The following DGUOK variants were observed in gnomAD, a reference collection of about 807,000 sequenced individuals.
DGUOK encodes deoxyguanosine kinase, also known as deoxyguanosine kinase, mitochondrial.
In DGUOK, 30 loss-of-function variants were observed where a neutral mutation model predicts 36.6. The observed-to-expected ratio is 0.82, with a 90% CI of 0.61 to 1.11. The LOEUF (loss-of-function observed/expected upper bound fraction) is 1.11. DGUOK is among the 50% of genes most tolerant of loss of function. The probability of loss-of-function intolerance (pLI) is 0.00; values close to 1 mark genes in which losing one functional copy is unlikely to be tolerated. For synonymous variants in DGUOK, 145 were observed against 126.3 expected, an observed-to-expected ratio of 1.15 and a Z score of -0.99; for missense variants, 361 against 336.4, an observed-to-expected ratio of 1.07 and a Z score of -0.57.
At chr2:73,930,883 C>T (rs1175198907) in intron 1 of DGUOK, among the ~76,000 whole-genome samples, 2 of 150,118 alleles carry the variant, frequency 1.3e-5, no homozygotes, top group South Asian at 2.1e-4. Context: ...GCAGCCTCCG[C>T]CTCCCAGGTT....
intron 1 of DGUOK, among the ~76,000 whole-genome samples, chr2:73,933,172 G>A (rs556207304): frequency 4.3e-4 from 65 of 152,292 alleles, no homozygotes; most frequent in African/African-American, 1.5e-3. Context: ...TCACTAATAT[G>A]TGTCTTACTT....
intron 2 of DGUOK, among the ~76,000 whole-genome samples, chr2:73,940,347 A>T (rs1210394491): frequency 6.6e-6 from 1 of 152,224 alleles, no homozygotes; most frequent in African/African-American, 2.4e-5. Flanking sequence ...TGAACAGGAC[A>T]TTCTGGATGT....
chr2:73,940,627 A>T (rs781420739), intron 2 of DGUOK, among the ~76,000 whole-genome samples: 3 of 152,186 alleles, frequency 2.0e-5, no homozygotes, highest in Non-Finnish European at 2.9e-5. Flanking sequence ...CTGCATAATG[A>T]TGTTTCTGTC....
chr2:73,931,750 A>G (rs568319491), intron 1 of DGUOK, among the ~76,000 whole-genome samples: 39 of 152,340 alleles, frequency 2.6e-4, no homozygotes, highest in Admixed American at 5.2e-4. Context: ...AGTTTGTTGG[A>G]TGAATGAATA....
intron 1 of DGUOK, among the ~76,000 whole-genome samples, chr2:73,936,171 C>G (rs895828275): frequency 2.0e-5 from 3 of 152,156 alleles, no homozygotes; most frequent in African/African-American, 7.2e-5. Context: ...TAAATATTGA[C>G]CATCTGGGCC....
At chr2:73,952,495 G>GA (rs1682770755) in intron 4 of DGUOK, among the ~76,000 whole-genome samples, 1 of 152,238 alleles carries the variant, frequency 6.6e-6, no homozygotes, top group African/African-American at 2.4e-5. Context: ...AAAGAGGAGT[G>GA]AGAGTGCTGT....
chr2:73,954,725 T>C (rs1248575889), intron 4 of DGUOK, among the ~76,000 whole-genome samples: 1 of 152,028 alleles, frequency 6.6e-6, no homozygotes, highest in Non-Finnish European at 1.5e-5. Flanking sequence ...AGAGGCATAG[T>C]GAAAAGACCC....
rs374309908 is a variant in DGUOK at position 73,926,888 on chromosome 2, T to C, written c.-23T>C. 20 of 1,613,056 alleles carry C rather than the reference T, an allele frequency of 1.2e-5. 1 individual carries two copies. In the African/African-American group the frequency reaches 2.3e-4, roughly 18 times the overall value. ...GCGGAAGTGCTCTCGGCGGAAGTGATCGCTGTGTGAATCGTGGGTGGGATG... is the reference window on the plus strand; with the variant it reads ...GCGGAAGTGCTCTCGGCGGAAGTGACCGCTGTGTGAATCGTGGGTGGGATG... On this transcript the variant is annotated 5_prime_UTR_variant, in exon 1 of 7. Transcript: ENST00000264093.
rs778327766 is a variant in DGUOK, at chr2:73,957,108, T to C, written c.592-17T>C. 3.8e-6 allele frequency: 6 copies of C among 1,595,132 alleles called. No individual in the cohort carries two copies. In the South Asian group the frequency reaches 5.5e-5, roughly 15 times the overall value. ...AAACAGCAAAGAGCTCATCAGGGCT[T>C]GGGGACTGTCTTTTAGGTTTGTTTG... On this transcript the variant is annotated splice_polypyrimidine_tract_variant and intron_variant, in intron 4 of 6. Transcript: ENST00000264093.
intron 2 of DGUOK, among the ~76,000 whole-genome samples, chr2:73,943,342 T>G (rs1388989942): frequency 1.5e-5 from 2 of 129,644 alleles, no homozygotes; most frequent in African/African-American, 5.7e-5. Context: ...TTTTTTTTTT[T>G]GTAGAGATAG....
chr2:73,928,567 C>T (rs1680782203), intron 1 of DGUOK, among the ~76,000 whole-genome samples: 1 of 152,068 alleles, frequency 6.6e-6, no homozygotes, highest in Admixed American at 6.5e-5. Flanking sequence ...ATTGGAAAGG[C>T]CCTGAGGTGG....
intron 2 of DGUOK, among the ~76,000 whole-genome samples, chr2:73,942,845 G>A (rs1466059770): frequency 3.3e-5 from 5 of 152,166 alleles, no homozygotes; most frequent in Non-Finnish European, 7.4e-5. Context: ...TCAGTAGACC[G>A]TGTGGTACAC....
In DGUOK at chr2:73,958,172, T is replaced by C; in HGVS notation, c.734T>C (p.Ile245Thr). The C allele has an allele frequency of 6.2e-7, 1 of 1,613,882 alleles. No homozygotes were observed. The highest frequency in any genetic ancestry group is 8.5e-7 in the Non-Finnish European group (1 of 1,179,796). ...CTCCACTTTGAGGCTCTGATGAACA[T>C]TCCAGTGCTGGTGTTGGATGTCAAT... ...TKLHFEALMNIPVLVLDVNDD... is the reference protein window; with the variant it reads ...TKLHFEALMNTPVLVLDVNDD... Residue 245 changes from isoleucine (I) to threonine (T), a missense_variant, in exon 6 of 7, where the codon ATT becomes ACT. By Grantham distance (89) the Ile-to-Thr change is moderately conservative (BLOSUM62 -1). Coordinates refer to ENST00000264093, the MANE Select transcript of DGUOK (RefSeq NM_080916.3).
In DGUOK at chr2:73,935,478, G is replaced by GA. The variant is rs201837808; in HGVS notation, c.143-3422dup. Among the ~76,000 whole-genome samples the GA allele has an allele frequency of 4.6e-4, 69 of 148,800 alleles. 1 individual carries two copies. The highest frequency in any genetic ancestry group is 1.1e-3 in the South Asian group (5 of 4,678). On this transcript the variant is annotated intron_variant, in intron 1 of 6. Coordinates refer to ENST00000264093, the MANE Select transcript of DGUOK (RefSeq NM_080916.3). ...AACAAACAACACCCCAGCAAGAAGG[G>GA]AAAAAAAAAATCTATGATGATCAGG...
intron 1 of DGUOK, among the ~76,000 whole-genome samples, chr2:73,930,844 G>A (rs1726030): frequency 0.57 from 78,887 of 138,368 alleles, 23,326 homozygotes; most frequent in Non-Finnish European, 0.65. Flanking sequence ...CACCCAGGCT[G>A]CAGTGCAGTG....
chr2:73,930,325 G>C (rs1164271455), intron 1 of DGUOK, among the ~76,000 whole-genome samples: 1 of 152,212 alleles, frequency 6.6e-6, no homozygotes, highest in Non-Finnish European at 1.5e-5. Context: ...CTTGGAGTTA[G>C]TGGTCATGAA....
intron 1 of DGUOK, among the ~76,000 whole-genome samples, chr2:73,933,432 T>C (rs1681207989): frequency 6.6e-6 from 1 of 152,196 alleles, no homozygotes; most frequent in Non-Finnish European, 1.5e-5. Flanking sequence ...TAATTAACTC[T>C]GCCTAGAGAT....
At chr2:73,958,118 G>A in intron 5 of DGUOK, 28 bp from the exon 6 acceptor site, 2 of 1,577,968 alleles carry the variant, frequency 1.3e-6, no homozygotes, top group Non-Finnish European at 1.7e-6. Context: ...CTTTTTTTCT[G>A]TCCCCCAAAC....
chr2:73,932,826 A>G (rs1050602026), intron 1 of DGUOK: 2 of 344,582 alleles, frequency 5.8e-6, no homozygotes, highest in African/African-American at 2.2e-5. Context: ...GAAGCCATAT[A>G]AGATGTGTGA....
Sources: allele counts gnomAD v4.1 joint callset (sites outside exome capture counted in the v4.1 genomes callset), GRCh38; gene constraint gnomAD v4.1.1; transcripts MANE v1.5; gene names NCBI Gene and HGNC (gene_info 2026-07-23, HGNC 2026-07-21).